DTL: variants seen among roughly 807,000 people sequenced by gnomAD.
DTL encodes denticleless E3 ubiquitin protein ligase adapter, also known as denticleless protein homolog.
In DTL, 46 loss-of-function variants were observed where a neutral mutation model predicts 87.0. The ratio of observed to expected loss-of-function variants is 0.53; its 90% CI spans 0.42 to 0.68. The LOEUF (loss-of-function observed/expected upper bound fraction) is 0.68. DTL is among the 30% of genes least tolerant of loss of function. The pLI is 0.00. For missense variants in DTL, 737 were observed against 869.4 expected (o/e 0.85, Z 1.91); for synonymous variants, 308 against 311.2 (o/e 0.99, Z 0.11).
At chr1:212,048,083 A>G (rs1667858614) in intron 5 of DTL, among the ~76,000 whole-genome samples, 1 of 152,242 alleles carries the variant, frequency 6.6e-6, no homozygotes, top group Non-Finnish European at 1.5e-5. Context: ...GAGTTACTTT[A>G]ACTCTGCTTG....
intron 11 of DTL, among the ~76,000 whole-genome samples, chr1:212,073,684 C>T (rs780537224): frequency 6.6e-6 from 1 of 152,072 alleles, no homozygotes; most frequent in African/African-American, 2.4e-5. Flanking sequence ...GGAAATATTG[C>T]TCTATCCAAG....
At chr1:212,095,100 CTG>C (rs1655405906) in intron 13 of DTL, among the ~76,000 whole-genome samples, 1 of 152,094 alleles carries the variant, frequency 6.6e-6, no homozygotes, top group South Asian at 2.1e-4. Flanking sequence ...TTCTGACTGA[CTG>C]TGGCTGGCTA....
chr1:212,068,393 A>G (rs1654574471), intron 9 of DTL, 66 bp downstream of exon 9: 2 of 1,075,114 alleles, frequency 1.9e-6, no homozygotes, highest in South Asian at 3.1e-5. Flanking sequence ...AAAAAGGCTA[A>G]TTTCCAGTAA....
chr1:212,087,345 G>A (rs554828276), intron 13 of DTL, among the ~76,000 whole-genome samples: 4 of 152,156 alleles, frequency 2.6e-5, no homozygotes, highest in East Asian at 1.9e-4. Flanking sequence ...TCAGGAGATC[G>A]AGACCATCCT....
intron 13 of DTL, among the ~76,000 whole-genome samples, chr1:212,085,473 T>C (rs1655105952): frequency 2.6e-5 from 4 of 152,230 alleles, no homozygotes; most frequent in Admixed American, 2.6e-4. Flanking sequence ...GCAGATCTTC[T>C]GCCCATATTC....
chr1:212,091,442 C>T (rs965780941), intron 13 of DTL, among the ~76,000 whole-genome samples: 2 of 152,154 alleles, frequency 1.3e-5, no homozygotes, highest in Non-Finnish European at 2.9e-5. Flanking sequence ...AGCAATTTCA[C>T]TTTTGGGTAT....
chr1:212,047,494 C>A, intron 5 of DTL, 77 bp downstream of exon 5: 1 of 1,552,736 alleles, frequency 6.4e-7, no homozygotes, highest in Non-Finnish European at 8.8e-7. Context: ...ATTGTTTCTA[C>A]CCTTTCCCCT....
Position 212,104,030 on chromosome 1 carries a change from T to C in DTL, c.*1090T>C, listed in dbSNP as rs1473726863. The C allele has an allele frequency of 6.6e-6, 1 of 152,218 alleles. No individual in the cohort carries two copies. The allele number at this position is 152,218 out of a possible 1,614,324, so 9.4% of individuals were successfully genotyped here. On this transcript the variant is annotated 3_prime_UTR_variant, in exon 15 of 15. Transcript: ENST00000366991. ...CTCTAGATATTTAATACAGAGAGTGTATAGACTGACTCTAAGTTAATAATG... is the reference window on the plus strand; with the variant it reads ...CTCTAGATATTTAATACAGAGAGTGCATAGACTGACTCTAAGTTAATAATG...
Position 212,099,291 on chromosome 1 carries a change from G to A in DTL, c.1262-961G>A, listed in dbSNP as rs1194218624. ...GCTGTCAGGCAGGCTGGAGTGCAGT[G>A]CATGCGATCTTGGCTCACTGCAACT... On this transcript the variant is annotated intron_variant, in intron 13 of 14. Coordinates refer to ENST00000366991, the MANE Select transcript of DTL (RefSeq NM_016448.4). Among the ~76,000 whole-genome samples the A allele has an allele frequency of 3.9e-5, 6 of 152,180 alleles. No homozygotes were observed. In the East Asian group the frequency reaches 1.2e-3, roughly 29 times the overall value.
intron 11 of DTL, among the ~76,000 whole-genome samples, chr1:212,075,963 A>G (rs995925077): frequency 1.2e-4 from 18 of 152,306 alleles, no homozygotes; most frequent in Admixed American, 3.3e-4. Context: ...ATGGAATCAT[A>G]CAAAATCAGC....
intron 13 of DTL, among the ~76,000 whole-genome samples, chr1:212,095,041 G>A (rs920123149): frequency 6.6e-6 from 1 of 152,138 alleles, no homozygotes; most frequent in Non-Finnish European, 1.5e-5. Flanking sequence ...TACTAACAGT[G>A]ACAGGTTGAC....
At chr1:212,036,623 T>A (rs1321155085) in intron 1 of DTL, among the ~76,000 whole-genome samples, 1 of 152,234 alleles carries the variant, frequency 6.6e-6, no homozygotes, top group Admixed American at 6.5e-5. Context: ...TTTTTTCACT[T>A]TAATGGTATA....
At chr1:212,069,727 G>C (rs963546172) in intron 10 of DTL, among the ~76,000 whole-genome samples, 1 of 151,820 alleles carries the variant, frequency 6.6e-6, no homozygotes, top group Non-Finnish European at 1.5e-5. Context: ...TGTATTTTTA[G>C]TAAAGGCAGG....
intron 11 of DTL, among the ~76,000 whole-genome samples, chr1:212,073,398 A>T (rs1332577792): frequency 2.0e-5 from 3 of 152,194 alleles, no homozygotes; most frequent in Non-Finnish European, 4.4e-5. Context: ...ATAATGTCTA[A>T]AACTTCATAG....
chr1:212,102,136 G>GA (rs1241019322), intron 14 of DTL, among the ~76,000 whole-genome samples: 3 of 152,112 alleles, frequency 2.0e-5, no homozygotes, highest in Non-Finnish European at 4.4e-5. Flanking sequence ...CATAATTTTA[G>GA]AAAAATAAAC....
chr1:212,078,041 C>A, intron 11 of DTL, 132 bp from the exon 12 acceptor site: 1 of 491,258 alleles, frequency 2.0e-6, no homozygotes. Flanking sequence ...TTTTTCCTAA[C>A]TATAGCTAGG....
At chr1:212,040,428 A>G (rs1667601082) in intron 1 of DTL, among the ~76,000 whole-genome samples, 1 of 152,204 alleles carries the variant, frequency 6.6e-6, no homozygotes, top group African/African-American at 2.4e-5. Context: ...ACACATACCT[A>G]TGATTAAGTT....
intron 8 of DTL, 134 bp downstream of exon 8, chr1:212,067,019 G>C: frequency 1.4e-6 from 1 of 702,728 alleles, no homozygotes; most frequent in Non-Finnish European, 2.4e-6. Context: ...ACTGAGGAAA[G>C]GAGCTATAGA....
chr1:212,075,259 C>A (rs1376254804), intron 11 of DTL, among the ~76,000 whole-genome samples: 1 of 152,178 alleles, frequency 6.6e-6, no homozygotes, highest in East Asian at 1.9e-4. Flanking sequence ...GAGCCACTTA[C>A]TTCTAGAGGT....
Sources: gnomAD v4.1 joint callset for allele counts (sites outside exome capture counted in the v4.1 genomes callset) on GRCh38, gnomAD v4.1.1 for gene constraint, MANE v1.5 for transcripts, NCBI Gene and HGNC (gene_info 2026-07-23, HGNC 2026-07-21) for gene names.